NEO1: variants seen among roughly 807,000 people sequenced by gnomAD.
NEO1 encodes neogenin 1, also known as neogenin.
NEO1 carries 63 observed loss-of-function variants against 159.7 expected under a neutral mutation model. The ratio of observed to expected loss-of-function variants is 0.39; its 90% CI spans 0.32 to 0.49. NEO1 has a LOEUF of 0.49. Ranked by LOEUF, NEO1 falls within the 20% of genes least tolerant of loss-of-function variation. The pLI, the probability that NEO1 is intolerant of heterozygous loss-of-function variation, is 0.85. For synonymous variants in NEO1, 633 were observed against 662.0 expected, an observed-to-expected ratio of 0.96 and a Z score of 0.67; for missense variants, 1,615 against 1,831.0, an observed-to-expected ratio of 0.88 and a Z score of 2.15.
intron 1 of NEO1, among the ~76,000 whole-genome samples, chr15:73,089,505 G>C (rs35660974): frequency 0.073 from 11,100 of 151,856 alleles, 554 homozygotes; most frequent in Non-Finnish European, 0.1. Flanking sequence ...TTGGCAAGCA[G>C]TCAAATAAAA....
intron 4 of NEO1, among the ~76,000 whole-genome samples, chr15:73,132,781 A>G (rs922978858): frequency 1.3e-5 from 2 of 152,244 alleles, no homozygotes; most frequent in Non-Finnish European, 2.9e-5. Context: ...ACATGAAAAA[A>G]TGCTCAACAT....
chr15:73,137,247 G>A (rs1015090920), intron 5 of NEO1, among the ~76,000 whole-genome samples: 2 of 151,826 alleles, frequency 1.3e-5, no homozygotes, highest in Admixed American at 6.6e-5. Context: ...ATAATTACTG[G>A]AAAAGACTGA....
At chr15:73,157,389 A>G (rs1345880709) in intron 5 of NEO1, among the ~76,000 whole-genome samples, 1 of 152,224 alleles carries the variant, frequency 6.6e-6, no homozygotes, top group Non-Finnish European at 1.5e-5. Context: ...CTCTTACTGT[A>G]GCTGCCTATA....
At chr15:73,300,681 A>C (rs1184537959) in intron 27 of NEO1, among the ~76,000 whole-genome samples, 3 of 152,222 alleles carry the variant, frequency 2.0e-5, no homozygotes, top group Non-Finnish European at 4.4e-5. Context: ...CAGTGAGCAG[A>C]GGTTGCTCCA....
intron 7 of NEO1, among the ~76,000 whole-genome samples, chr15:73,213,600 C>T (rs2037704904): frequency 1.3e-5 from 2 of 152,198 alleles, no homozygotes; most frequent in Non-Finnish European, 2.9e-5. Flanking sequence ...GCTGTTAATG[C>T]ATTCCTTTCT....
At chr15:73,177,073 A>G (rs2035320385) in intron 6 of NEO1, among the ~76,000 whole-genome samples, 1 of 152,234 alleles carries the variant, frequency 6.6e-6, no homozygotes, top group African/African-American at 2.4e-5. Flanking sequence ...GTGTCGGACA[A>G]TTGTGGTAGC....
intron 1 of NEO1, among the ~76,000 whole-genome samples, chr15:73,058,051 A>G (rs922259862): frequency 2.0e-5 from 3 of 152,138 alleles, no homozygotes; most frequent in African/African-American, 4.8e-5. Flanking sequence ...GATAAGCAGG[A>G]TCATACTACC....
intron 21 of NEO1, among the ~76,000 whole-genome samples, chr15:73,277,390 A>T (rs1241629472): frequency 1.1e-4 from 16 of 152,178 alleles, no homozygotes; most frequent in Admixed American, 9.8e-4. Context: ...AGAATTTTTT[A>T]AAAAACTGAT....
At chr15:73,148,173 T>G (rs2151820621) in intron 5 of NEO1, among the ~76,000 whole-genome samples, 1 of 152,290 alleles carries the variant, frequency 6.6e-6, no homozygotes, top group South Asian at 2.1e-4. Flanking sequence ...TTCTTCTGCC[T>G]TAAAGGGGTA....
At chr15:73,249,535 T>C (rs1310734873) in intron 10 of NEO1, 48 bp from the exon 11 acceptor site, 4 of 1,527,300 alleles carry the variant, frequency 2.6e-6, no homozygotes, top group Non-Finnish European at 3.5e-6. Context: ...TTTTCAACTT[T>C]TCTTTTGGCT....
intron 25 of NEO1, among the ~76,000 whole-genome samples, chr15:73,290,866 C>A (rs2042139549): frequency 6.6e-6 from 1 of 152,042 alleles, no homozygotes; most frequent in Non-Finnish European, 1.5e-5. Flanking sequence ...TGGAAAAGTT[C>A]CTCAAATCCC....
chr15:73,247,892 T>C (rs571904455), intron 9 of NEO1, among the ~76,000 whole-genome samples: 5 of 152,274 alleles, frequency 3.3e-5, no homozygotes, highest in African/African-American at 1.2e-4. Context: ...AGCTAGACAC[T>C]TAAGCAGTCA....
At chr15:73,093,813 A>G (rs2069838813) in intron 1 of NEO1, among the ~76,000 whole-genome samples, 1 of 152,120 alleles carries the variant, frequency 6.6e-6, no homozygotes, top group Non-Finnish European at 1.5e-5. Context: ...TCCTAAGCTC[A>G]AGCAATCCAC....
At chr15:73,226,354 G>C (rs554992029) in intron 7 of NEO1, among the ~76,000 whole-genome samples, 33 of 152,344 alleles carry the variant, frequency 2.2e-4, no homozygotes, top group African/African-American at 5.8e-4. Flanking sequence ...AAGAATGCCT[G>C]CATGGGCTCT....
intron 20 of NEO1, 97 bp from the exon 21 acceptor site, chr15:73,274,595 G>T (rs1336898627): frequency 1.7e-6 from 2 of 1,188,358 alleles, no homozygotes; most frequent in African/African-American, 1.5e-5. Context: ...GTTTGTGGGG[G>T]TTTTAGTTTT....
intron 5 of NEO1, among the ~76,000 whole-genome samples, chr15:73,158,389 G>T (rs1423227307): frequency 6.6e-6 from 1 of 151,758 alleles, no homozygotes; most frequent in Non-Finnish European, 1.5e-5. Context: ...AGCCAGGTGT[G>T]TGTGTATATT....
rs371056004 is a variant in NEO1 at position 73,293,596 on chromosome 15, G to C, written c.3901+48G>C. 2.6e-6 allele frequency: 4 copies of C among 1,566,754 alleles called. No homozygotes were observed. The South Asian group carries it at 4.6e-5, about 18-fold the overall frequency. On this transcript the variant is annotated intron_variant, in intron 26 of 28. Transcript: ENST00000261908. ...AGATGGAAACCATTCCAAAAGAGTC[G>C]GCAAGCAGAAATGGGGAAGGACTTG...
chr15:73,097,357 CTTTTTTTTT>C (rs34372480), intron 1 of NEO1, among the ~76,000 whole-genome samples: 1 of 102,960 alleles, frequency 9.7e-6, no homozygotes, highest in African/African-American at 3.8e-5. Flanking sequence ...GTCAGAGCCT[CTTTTTTTTT>C]TTTTTTTTTT....
At chr15:73,110,260 T>C (rs921679642) in intron 1 of NEO1, among the ~76,000 whole-genome samples, 114 of 152,268 alleles carry the variant, frequency 7.5e-4, no homozygotes, top group African/African-American at 2.7e-3. Flanking sequence ...TTGACAGTAG[T>C]GTCTTAGCTT....
Sources: allele counts gnomAD v4.1 joint callset (sites outside exome capture counted in the v4.1 genomes callset), GRCh38; gene constraint gnomAD v4.1.1; transcripts MANE v1.5; gene names NCBI Gene and HGNC (gene_info 2026-07-23, HGNC 2026-07-21).